Variants in HOOK1 observed in about 807,000 individuals in gnomAD.
HOOK1 encodes protein Hook homolog 1.
A neutral mutation model predicts 112.8 loss-of-function variants in HOOK1; 60 were observed. The ratio of observed to expected loss-of-function variants is 0.53; its 90% CI spans 0.43 to 0.66. The LOEUF (loss-of-function observed/expected upper bound fraction) is 0.66. Ranked by LOEUF, HOOK1 falls within the 30% of genes least tolerant of loss-of-function variation. HOOK1 has a pLI of 0.00. For missense variants in HOOK1, 770 were observed against 856.0 expected (o/e 0.90, Z 1.25); for synonymous variants, 294 against 283.8 (o/e 1.04, Z -0.36).
At chr1:59,836,569 G>T (rs1416141206) in intron 6 of HOOK1, among the ~76,000 whole-genome samples, 1 of 151,960 alleles carries the variant, frequency 6.6e-6, no homozygotes, top group Admixed American at 6.6e-5. Flanking sequence ...TATTTAATGT[G>T]TTCACTCTTT....
intron 12 of HOOK1, among the ~76,000 whole-genome samples, chr1:59,854,650 C>T (rs1357018775): frequency 6.6e-6 from 1 of 152,106 alleles, no homozygotes; most frequent in Non-Finnish European, 1.5e-5. Context: ...GATGAGAAAT[C>T]TGCTGTTAAT....
At chr1:59,864,320 C>T (rs1249982558) in intron 16 of HOOK1, among the ~76,000 whole-genome samples, 2 of 151,818 alleles carry the variant, frequency 1.3e-5, no homozygotes, top group African/African-American at 4.8e-5. Flanking sequence ...CTCAGTATAT[C>T]ACATTCAGCT....
chr1:59,855,964 T>TAAAAAAA (rs1559058013), intron 12 of HOOK1, among the ~76,000 whole-genome samples: 8 of 92,680 alleles, frequency 8.6e-5, no homozygotes, highest in African/African-American at 2.5e-4. Context: ...ATATATAAAT[T>TAAAAAAA]ATTATATATA....
Position 59,873,152 on chromosome 1 carries a change from C to A in HOOK1, c.*187C>A, listed in dbSNP as rs1644084891. On this transcript the variant is annotated 3_prime_UTR_variant, in exon 22 of 22. Transcript: ENST00000371208. ...CTTTAAAAACAAATTATAGAATTAGCCATCTCTCTGAGGGAGCACATTTGA... is the reference window on the plus strand; with the variant it reads ...CTTTAAAAACAAATTATAGAATTAGACATCTCTCTGAGGGAGCACATTTGA... The A allele has an allele frequency of 6.9e-6, 3 of 432,350 alleles. No individual in the cohort carries two copies. The highest frequency in any genetic ancestry group is 8.6e-5 in the Admixed American group (2 of 23,352). 26.8% of individuals were successfully genotyped at this position (432,350 alleles called of 1,614,324 possible).
At chr1:59,833,849 A>G (rs901629338) in intron 5 of HOOK1, among the ~76,000 whole-genome samples, 13 of 152,166 alleles carry the variant, frequency 8.5e-5, no homozygotes, top group African/African-American at 2.7e-4. Context: ...TTGATACATT[A>G]TGTCTATTTT....
intron 21 of HOOK1, among the ~76,000 whole-genome samples, chr1:59,872,428 C>T (rs1162499515): frequency 1.2e-4 from 19 of 152,100 alleles, no homozygotes; most frequent in Admixed American, 2.6e-4. Context: ...CTTGTTAATC[C>T]GGGGACCACC....
At chr1:59,827,014 C>T (rs2102012223) in intron 2 of HOOK1, among the ~76,000 whole-genome samples, 1 of 152,282 alleles carries the variant, frequency 6.6e-6, no homozygotes, top group East Asian at 1.9e-4. Context: ...ATCTGGCTGC[C>T]TCGGCCCCCC....
intron 21 of HOOK1, among the ~76,000 whole-genome samples, chr1:59,871,371 G>A (rs971807891): frequency 6.6e-6 from 1 of 152,150 alleles, no homozygotes; most frequent in African/African-American, 2.4e-5. Context: ...AAGCACAGGT[G>A]TAATAATTCA....
chr1:59,815,620 C>G (rs1006350751), intron 1 of HOOK1, among the ~76,000 whole-genome samples: 1 of 152,044 alleles, frequency 6.6e-6, no homozygotes, highest in African/African-American at 2.4e-5. Context: ...CCTGCATCCT[C>G]AAACTACCTT....
At position 59,850,945 on chromosome 1, in the gene HOOK1, A is replaced by G. The variant is rs1169393660; in HGVS notation, c.1242+1762A>G. Among the ~76,000 whole-genome samples the G allele has an allele frequency of 4.6e-5, 7 of 151,682 alleles. No individual in the cohort carries two copies. In the East Asian group the frequency reaches 1.2e-3, roughly 25 times the overall value. ...TGCTCAGAAAATAACCTCCATTAAT[A>G]ATTAAAAAGGTTTAAAAATTCGTTT... On this transcript the variant is annotated intron_variant, in intron 12 of 21. Coordinates refer to ENST00000371208, the MANE Select transcript of HOOK1 (RefSeq NM_015888.6).
intron 9 of HOOK1, among the ~76,000 whole-genome samples, chr1:59,846,324 A>G (rs2098403753): frequency 6.6e-6 from 1 of 151,426 alleles, no homozygotes; most frequent in Admixed American, 6.6e-5. Context: ...ATTTTTCTTG[A>G]TCACTCTTGC....
intron 7 of HOOK1, among the ~76,000 whole-genome samples, chr1:59,838,357 T>C (rs958032872): frequency 1.8e-4 from 28 of 152,306 alleles, no homozygotes; most frequent in African/African-American, 6.3e-4. Context: ...CCAGTATCTG[T>C]TGTTTCCTGA....
Position 59,873,097 on chromosome 1 carries a change from A to G in HOOK1, c.*132A>G. 1.4e-6 allele frequency: 1 copy of G among 710,136 alleles called. No homozygotes were observed. The allele number at this position is 710,136 out of a possible 1,614,324, so 44.0% of individuals were successfully genotyped here. On this transcript the variant is annotated 3_prime_UTR_variant, in exon 22 of 22. Transcript: ENST00000371208. The stretch of plus-strand genomic sequence containing the variant: ...GCGGGATATCAGGTATTTTAAAATC[A>G]ACATGCATCAAATTAATTTTGCCAG...
intron 16 of HOOK1, among the ~76,000 whole-genome samples, chr1:59,863,636 ATG>A (rs1450540365): frequency 1.3e-5 from 2 of 152,098 alleles, no homozygotes; most frequent in African/African-American, 4.8e-5. Context: ...AGGACTAGAT[ATG>A]TGTTAGGGAT....
At chr1:59,822,116 C>T (rs1401584669) in intron 2 of HOOK1, among the ~76,000 whole-genome samples, 173 bp downstream of exon 2, 1 of 152,184 alleles carries the variant, frequency 6.6e-6, no homozygotes, top group Non-Finnish European at 1.5e-5. Context: ...TTTACCACCT[C>T]ATTATTCCTG....
At chr1:59,831,557 G>T (rs1427493473) in intron 3 of HOOK1, among the ~76,000 whole-genome samples, 1 of 152,174 alleles carries the variant, frequency 6.6e-6, no homozygotes, top group Non-Finnish European at 1.5e-5. Flanking sequence ...TCCAGAGCTT[G>T]CTCATTCCAT....
At chr1:59,835,858 G>C (rs1338414797) in intron 6 of HOOK1, among the ~76,000 whole-genome samples, 1 of 151,990 alleles carries the variant, frequency 6.6e-6, no homozygotes, top group East Asian at 1.9e-4. Flanking sequence ...TCAGCAGGTG[G>C]AGTCCAGGTG....
rs747572844 is a variant in HOOK1 at position 59,860,239 on chromosome 1, A to G, written c.1443A>G (p.Gln481=). 4 of 1,610,580 alleles carry G rather than the reference A, an allele frequency of 2.5e-6. No individual in the cohort carries two copies. In the East Asian group the frequency reaches 8.9e-5, roughly 36 times the overall value. Residue 481 remains glutamine (Q), a synonymous_variant, in exon 15 of 22, where the codon CAA becomes CAG. Transcript: ENST00000371208. The stretch of plus-strand genomic sequence containing the variant: ...AAAATAAGATGCTTCGCTTACAGCA[A>G]GAAGGCTCTGAGAATGAACGTATTG... ...QHENKMLRLQ[Q]EGSENERIEE... is the part of the protein sequence containing the mutation.
Position 59,830,931 on chromosome 1 carries a change from C to T in HOOK1, c.223-1232C>T, listed in dbSNP as rs577976947. 2.1e-3 allele frequency among the ~76,000 whole-genome samples: 282 copies of T among 137,440 alleles called. 3 individuals carry two copies. The highest frequency in any genetic ancestry group is 2.9e-3 in the South Asian group (13 of 4,412). The allele number at this position is 137,440 out of a possible 152,430, so 90.2% of individuals were successfully genotyped here. ...TTTTTTTTTTCCTGAGACAGAATTTCGCTCTTACGCCCAGCCTGGAGTGAA... is the reference window on the plus strand; with the variant it reads ...TTTTTTTTTTCCTGAGACAGAATTTTGCTCTTACGCCCAGCCTGGAGTGAA... On this transcript the variant is annotated intron_variant, in intron 3 of 21. Transcript: ENST00000371208.
Sources: allele counts gnomAD v4.1 joint callset (sites outside exome capture counted in the v4.1 genomes callset), GRCh38; gene constraint gnomAD v4.1.1; transcripts MANE v1.5; gene names NCBI Gene and HGNC (gene_info 2026-07-23, HGNC 2026-07-21).